The following CLIP2 variants were observed in gnomAD, a reference collection of about 807,000 sequenced individuals.
CLIP2 encodes the protein CAP-Gly domain-containing linker protein 2.
CLIP2 carries 41 observed loss-of-function variants against 111.7 expected under a neutral mutation model. That is an observed-to-expected ratio of 0.37 (90% CI 0.29 to 0.48). The LOEUF (loss-of-function observed/expected upper bound fraction) is 0.48, where lower values mean the gene tolerates loss of function less well. CLIP2 is among the 20% of genes least tolerant of loss of function. The pLI, the probability that CLIP2 is intolerant of heterozygous loss-of-function variation, is 0.99. For synonymous variants in CLIP2, 660 were observed against 644.2 expected (o/e 1.02, Z -0.37); for missense variants, 1,160 against 1,422.1 (o/e 0.82, Z 2.96).
chr7:74,354,070 G>A, intron 4 of CLIP2, 66 bp downstream of exon 4: 3 of 1,533,142 alleles, frequency 2.0e-6, no homozygotes, highest in Admixed American at 1.8e-5. Flanking sequence ...CGCAGGGGAT[G>A]GAGATGGGAC....
chr7:74,334,525 C>G lies in CLIP2; in HGVS notation c.122-3923C>G, dbSNP rs575552958. Among the ~76,000 whole-genome samples, 155 of 152,164 alleles carry G rather than the reference C, an allele frequency of 1.0e-3. 1 individual carries two copies. The highest frequency in any genetic ancestry group is 1.6e-3 in the Non-Finnish European group (111 of 68,010). ...CGACCTGGGGACCCTTCTCTGGGCT[C>G]TAAGCACAGAGGGCAGGTAGAAACA... On this transcript the variant is annotated intron_variant, in intron 2 of 16. Coordinates refer to ENST00000223398, the MANE Select transcript of CLIP2 (RefSeq NM_003388.5).
chr7:74,380,767 C>T lies in CLIP2; in HGVS notation c.2422-39C>T, dbSNP rs1790919646. Reference sequence around the variant, plus strand: ...GCTGGCTGGGGCTGGGGCCAAGGGGCAGAGGTGAGCATCCCCCTTACAGGG... The same window carrying T: ...GCTGGCTGGGGCTGGGGCCAAGGGGTAGAGGTGAGCATCCCCCTTACAGGG... On this transcript the variant is annotated intron_variant, in intron 10 of 16. Coordinates refer to ENST00000223398, the MANE Select transcript of CLIP2 (RefSeq NM_003388.5). 2.6e-6 allele frequency: 4 copies of T among 1,563,960 alleles called. No individual in the cohort carries two copies. In the East Asian group the frequency reaches 6.8e-5, roughly 27 times the overall value.
At chr7:74,293,092 A>C (rs1788071875) in intron 1 of CLIP2, among the ~76,000 whole-genome samples, 1 of 152,122 alleles carries the variant, frequency 6.6e-6, no homozygotes, top group Admixed American at 6.6e-5. Flanking sequence ...AGGAGTGGGC[A>C]TGGTTTGAGG....
intron 2 of CLIP2, among the ~76,000 whole-genome samples, chr7:74,334,222 C>T (rs1789383025): frequency 6.6e-6 from 1 of 152,208 alleles, no homozygotes; most frequent in African/African-American, 2.4e-5. Context: ...TCTCAGCGTG[C>T]ATGGAATTTG....
chr7:74,389,280 GC>G, intron 13 of CLIP2, 21 bp downstream of exon 13: 1 of 1,552,468 alleles, frequency 6.4e-7, no homozygotes, highest in Non-Finnish European at 8.7e-7. Flanking sequence ...CGTGGGGCCG[GC>G]TGGGTCCTCC....
chr7:74,361,303 C>T (rs948250079), intron 7 of CLIP2, among the ~76,000 whole-genome samples: 2 of 149,992 alleles, frequency 1.3e-5, no homozygotes, highest in African/African-American at 4.9e-5. Context: ...CTGCAATCTC[C>T]ACCTCCCAGG....
intron 3 of CLIP2, among the ~76,000 whole-genome samples, chr7:74,349,217 G>A (rs997622634): frequency 6.6e-6 from 1 of 151,712 alleles, no homozygotes; most frequent in South Asian, 2.1e-4. Flanking sequence ...CAGATCACAA[G>A]GTCAAGAGAC....
intron 12 of CLIP2, 118 bp from the exon 13 acceptor site, chr7:74,388,985 G>A (rs374010775): frequency 8.1e-7 from 1 of 1,231,246 alleles, no homozygotes; most frequent in Non-Finnish European, 1.1e-6. Context: ...ATGCAGTGGG[G>A]TATGTCACCT....
intron 1 of CLIP2, among the ~76,000 whole-genome samples, chr7:74,305,212 A>G (rs917293822): frequency 3.3e-5 from 4 of 122,632 alleles, no homozygotes; most frequent in African/African-American, 5.3e-5. Flanking sequence ...CCCCTCTCCA[A>G]TACTTGGCAT....
intron 2 of CLIP2, among the ~76,000 whole-genome samples, chr7:74,328,974 G>A (rs1489653717): frequency 3.3e-5 from 5 of 150,500 alleles, no homozygotes; most frequent in Admixed American, 1.3e-4. Context: ...GTGCAGTGGT[G>A]CGATCTCAGC....
chr7:74,390,021 C>G (rs141862153), intron 13 of CLIP2, among the ~76,000 whole-genome samples: 8 of 143,830 alleles, frequency 5.6e-5, no homozygotes, highest in Admixed American at 3.5e-4. Context: ...CCCAGGAGTT[C>G]GAGGCTGCAG....
chr7:74,308,554 G>A (rs782277759), intron 1 of CLIP2, among the ~76,000 whole-genome samples: 16 of 152,124 alleles, frequency 1.1e-4, no homozygotes, highest in Middle Eastern at 3.4e-3. Flanking sequence ...GCCCAGGCTG[G>A]AGCATGGTGG....
chr7:74,296,003 A>G (rs1788159028), intron 1 of CLIP2, among the ~76,000 whole-genome samples: 1 of 149,692 alleles, frequency 6.7e-6, no homozygotes, highest in Admixed American at 6.6e-5. Context: ...AAAAAAAAAA[A>G]AAAAAAGCGT....
chr7:74,342,307 C>G (rs534385), intron 3 of CLIP2, among the ~76,000 whole-genome samples: 16 of 150,896 alleles, frequency 1.1e-4, no homozygotes, highest in Admixed American at 1.3e-4. Flanking sequence ...ACCTGGGAGG[C>G]GGAGATTGCA....
chr7:74,394,450 A>T (rs1378630881), intron 13 of CLIP2, among the ~76,000 whole-genome samples: 1 of 151,896 alleles, frequency 6.6e-6, no homozygotes, highest in Non-Finnish European at 1.5e-5. Context: ...GGGTTTCTCC[A>T]TGTTGGTCAG....
chr7:74,344,594 G>T (rs1007485140), intron 3 of CLIP2, among the ~76,000 whole-genome samples: 6 of 151,886 alleles, frequency 4.0e-5, no homozygotes, highest in Non-Finnish European at 5.9e-5. Flanking sequence ...CAGAGATGGG[G>T]GTCTCGCTAC....
chr7:74,400,017 T>C (rs1441820556), intron 14 of CLIP2, among the ~76,000 whole-genome samples: 1 of 150,842 alleles, frequency 6.6e-6, no homozygotes, highest in Non-Finnish European at 1.5e-5. Flanking sequence ...TAGCGGGGCG[T>C]GGTGGTGGGC....
intron 8 of CLIP2, among the ~76,000 whole-genome samples, chr7:74,370,222 C>T (rs1174029339): frequency 2.0e-5 from 3 of 149,548 alleles, no homozygotes; most frequent in Non-Finnish European, 3.0e-5. Context: ...TTTGGGAGGC[C>T]GAGGTGGGCG....
intron 11 of CLIP2, among the ~76,000 whole-genome samples, chr7:74,381,804 G>A (rs1350898605): frequency 1.3e-5 from 2 of 152,088 alleles, no homozygotes; most frequent in Non-Finnish European, 2.9e-5. Context: ...GCTGGTTTCC[G>A]ATAACAATCA....
Sources: gnomAD v4.1 joint callset for allele counts (sites outside exome capture counted in the v4.1 genomes callset) on GRCh38, gnomAD v4.1.1 for gene constraint, MANE v1.5 for transcripts, NCBI Gene and HGNC (gene_info 2026-07-23, HGNC 2026-07-21) for gene names.